Variants in GRK5 observed in about 807,000 individuals in gnomAD.
GRK5 encodes the protein G protein-coupled receptor kinase 5.
In GRK5, 40 loss-of-function variants were observed where a neutral mutation model predicts 78.4. The ratio of observed to expected loss-of-function variants is 0.51; its 90% CI spans 0.40 to 0.66. The LOEUF is 0.66. GRK5 is among the 30% of genes least tolerant of loss of function. The probability of loss-of-function intolerance (pLI) is 0.00; values close to 1 mark genes in which losing one functional copy is unlikely to be tolerated. For synonymous variants in GRK5, 289 were observed against 296.8 expected (o/e 0.97, Z 0.27); for missense variants, 598 against 759.9 (o/e 0.79, Z 2.50).
At chr10:119,352,812 C>A (rs1851206712) in intron 2 of GRK5, among the ~76,000 whole-genome samples, 1 of 152,202 alleles carries the variant, frequency 6.6e-6, no homozygotes, top group Non-Finnish European at 1.5e-5. Flanking sequence ...AGCCCACTTT[C>A]CACCCGAATC....
chr10:119,403,467 T>G (rs1302719076), intron 4 of GRK5, among the ~76,000 whole-genome samples: 4 of 152,296 alleles, frequency 2.6e-5, no homozygotes, highest in East Asian at 1.9e-4. Context: ...ACCAGCCGAC[T>G]GGTTTCTTTT....
intron 3 of GRK5, among the ~76,000 whole-genome samples, chr10:119,394,253 G>GGT (rs1564916847): frequency 1.4e-4 from 2 of 14,518 alleles, no homozygotes; most frequent in African/African-American, 2.7e-4. Flanking sequence ...TCTGTGTGTG[G>GGT]ATGTATCTGT....
In GRK5 at chr10:119,228,213, T is replaced by C. The variant is rs919702449; in HGVS notation, c.52+20244T>C. On this transcript the variant is annotated intron_variant, in intron 1 of 15. Transcript: ENST00000392870. ...AACTAAAATTAGCTGGGCATGGTGGTGTGCGCCTGAAGTCCCAGCTACTGT... is the reference window on the plus strand; with the variant it reads ...AACTAAAATTAGCTGGGCATGGTGGCGTGCGCCTGAAGTCCCAGCTACTGT... Among the ~76,000 whole-genome samples, 13 of 152,038 alleles carry C rather than the reference T, an allele frequency of 8.6e-5. No individual in the cohort carries two copies. The South Asian group carries it at 2.5e-3, about 29-fold the overall frequency.
chr10:119,357,459 G>A (rs1436801541), intron 2 of GRK5, among the ~76,000 whole-genome samples: 6 of 152,164 alleles, frequency 3.9e-5, no homozygotes, highest in Non-Finnish European at 7.4e-5. Context: ...AATGAGACGC[G>A]GGTAACCCTG....
At chr10:119,280,433 G>A (rs900692449) in intron 1 of GRK5, among the ~76,000 whole-genome samples, 4 of 152,126 alleles carry the variant, frequency 2.6e-5, no homozygotes, top group Non-Finnish European at 4.4e-5. Context: ...CAAGGCCAGC[G>A]CCCACCCATC....
At chr10:119,416,589 CTTTT>C (rs10542874) in intron 4 of GRK5, among the ~76,000 whole-genome samples, 1 of 93,048 alleles carries the variant, frequency 1.1e-5, no homozygotes, top group African/African-American at 5.6e-5. Context: ...CTCTCTCTCT[CTTTT>C]TTTTTTTTTT....
At chr10:119,354,239 A>G (rs1589760667) in intron 2 of GRK5, among the ~76,000 whole-genome samples, 2 of 152,060 alleles carry the variant, frequency 1.3e-5, no homozygotes, top group East Asian at 3.9e-4. Context: ...TTGTCCGTGG[A>G]GTGGGGCAGA....
chr10:119,425,268 T>TACACACACAC (rs112640010), intron 6 of GRK5, among the ~76,000 whole-genome samples, 183 bp downstream of exon 6: 13,593 of 126,538 alleles, frequency 0.11, 698 homozygotes, highest in East Asian at 0.18. Flanking sequence ...CACACACACA[T>TACACACACAC]ACACACACAC....
chr10:119,291,815 CCTT>C (rs1479256428), intron 1 of GRK5, among the ~76,000 whole-genome samples: 34 of 150,536 alleles, frequency 2.3e-4, no homozygotes, highest in African/African-American at 8.1e-4. Flanking sequence ...TCATCCTGCT[CCTT>C]ATCCTCATTC....
At chr10:119,353,499 C>T (rs986474111) in intron 2 of GRK5, among the ~76,000 whole-genome samples, 1 of 152,226 alleles carries the variant, frequency 6.6e-6, no homozygotes, top group African/African-American at 2.4e-5. Flanking sequence ...TCCTTGGCAA[C>T]ACTGTTAGAC....
chr10:119,237,980 C>G (rs67008391), intron 1 of GRK5, among the ~76,000 whole-genome samples: 7 of 2,784 alleles, frequency 2.5e-3, no homozygotes, highest in Non-Finnish European at 0.012. Context: ...GGAGTTAAGG[C>G]ATGGAAAGGG....
chr10:119,408,658 G>A (rs540851344), intron 4 of GRK5, among the ~76,000 whole-genome samples: 1 of 152,288 alleles, frequency 6.6e-6, no homozygotes, highest in African/African-American at 2.4e-5. Flanking sequence ...AATCCATAGA[G>A]GCAGAAAGTA....
chr10:119,413,999 C>T (rs539118559), intron 4 of GRK5, among the ~76,000 whole-genome samples: 1 of 152,290 alleles, frequency 6.6e-6, no homozygotes, highest in African/African-American at 2.4e-5. Context: ...TCTGTTCCCG[C>T]CCCGGAGGAG....
At chr10:119,446,385 C>T (rs1853148194) in intron 12 of GRK5, among the ~76,000 whole-genome samples, 3 of 152,224 alleles carry the variant, frequency 2.0e-5, no homozygotes, top group South Asian at 4.1e-4. Context: ...TTTCTGGCTT[C>T]TCTTGAAAAG....
chr10:119,366,588 C>T (rs1851454524), intron 2 of GRK5, among the ~76,000 whole-genome samples: 2 of 152,180 alleles, frequency 1.3e-5, no homozygotes, highest in Admixed American at 1.3e-4. Context: ...CTGGCCCAGC[C>T]ACTAGATGTT....
intron 1 of GRK5, among the ~76,000 whole-genome samples, chr10:119,322,585 G>T (rs1850604759): frequency 6.6e-6 from 1 of 152,186 alleles, no homozygotes; most frequent in Admixed American, 6.5e-5. Flanking sequence ...CTTTCTTAAT[G>T]AATAAATCTA....
intron 1 of GRK5, among the ~76,000 whole-genome samples, chr10:119,296,114 A>G (rs1454613734): frequency 6.6e-6 from 1 of 152,204 alleles, no homozygotes; most frequent in East Asian, 1.9e-4. Context: ...AGTGCCATCA[A>G]GGACCCAGGC....
At chr10:119,283,204 TTAGTC>T (rs1322961271) in intron 1 of GRK5, among the ~76,000 whole-genome samples, 1 of 152,122 alleles carries the variant, frequency 6.6e-6, no homozygotes, top group African/African-American at 2.4e-5. Context: ...AGCAATATAA[TTAGTC>T]TAGTCACAAG....
At chr10:119,368,817 G>A (rs542515731) in intron 2 of GRK5, among the ~76,000 whole-genome samples, 1 of 152,346 alleles carries the variant, frequency 6.6e-6, no homozygotes, top group South Asian at 2.1e-4. Context: ...AGGGACCTGA[G>A]CCCAGGGAGC....
Sources: gnomAD v4.1 joint callset for allele counts (sites outside exome capture counted in the v4.1 genomes callset) on GRCh38, gnomAD v4.1.1 for gene constraint, MANE v1.5 for transcripts, NCBI Gene and HGNC (gene_info 2026-07-23, HGNC 2026-07-21) for gene names.